Variants in WDR37 observed in about 807,000 individuals in gnomAD.
WDR37 encodes the protein WD repeat-containing protein 37.
A neutral mutation model predicts 62.9 loss-of-function variants in WDR37; 19 were observed. The ratio of observed to expected loss-of-function variants is 0.30; its 90% confidence interval spans 0.21 to 0.44. WDR37 has a LOEUF of 0.44. Among genes scored for constraint, WDR37 ranks in the 20% least tolerant of loss-of-function variants. The pLI, the probability that WDR37 is intolerant of heterozygous loss-of-function variation, is 1.00. For synonymous variants in WDR37, 250 were observed against 260.9 expected, an observed-to-expected ratio of 0.96 and a Z score of 0.40; for missense variants, 474 against 657.6, an observed-to-expected ratio of 0.72 and a Z score of 3.05.
chr10:1,128,946 G>T (rs536130502), intron 13 of WDR37, among the ~76,000 whole-genome samples: 1 of 150,586 alleles, frequency 6.6e-6, no homozygotes, highest in South Asian at 2.1e-4. Flanking sequence ...TCGGTGGTCC[G>T]TGCTCGGCGG....
chr10:1,111,912 T>C (rs1018601001), intron 11 of WDR37, among the ~76,000 whole-genome samples: 2 of 152,166 alleles, frequency 1.3e-5, no homozygotes, highest in Admixed American at 1.3e-4. Context: ...TCTCTTTTTT[T>C]TTTTTGTGAG....
At chr10:1,096,680 G>T in intron 9 of WDR37, 1 of 186,474 alleles carries the variant, frequency 5.4e-6, no homozygotes. Flanking sequence ...AACTGAGACA[G>T]ATTTCAGTAC....
intron 1 of WDR37, among the ~76,000 whole-genome samples, chr10:1,059,946 G>A (rs938672568): frequency 6.6e-6 from 1 of 151,922 alleles, no homozygotes; most frequent in Non-Finnish European, 1.5e-5. Flanking sequence ...CCAGGGTGGA[G>A]CAATTCTCGT....
chr10:1,116,064 AC>A (rs1243433131), intron 11 of WDR37, among the ~76,000 whole-genome samples: 2 of 152,088 alleles, frequency 1.3e-5, no homozygotes, highest in Admixed American at 6.5e-5. Flanking sequence ...GATGTACTCC[AC>A]TCAGGTGAGG....
At chr10:1,096,665 G>A (rs967971859) in intron 9 of WDR37, 4 of 189,240 alleles carry the variant, frequency 2.1e-5, no homozygotes, top group African/African-American at 7.0e-5. Flanking sequence ...GCGGCAGCCA[G>A]AGCCAACTGA....
chr10:1,088,969 G>A (rs1041156872), intron 7 of WDR37, among the ~76,000 whole-genome samples: 3 of 152,216 alleles, frequency 2.0e-5, no homozygotes, highest in Non-Finnish European at 2.9e-5. Context: ...CCCTTGGCCA[G>A]CAGATAGAGT....
chr10:1,086,293 G>A lies in WDR37; in HGVS notation c.540G>A (p.Thr180=), dbSNP rs764315683. The part of the protein sequence containing the change: ...VVLGTASADH[T]ALLWSIETGK... ...TTCATTTCCATCTTGCAGATCACAC[G>A]GCTTTGCTGTGGAGCATAGAGACAG... The change falls in exon 7 of 14, where the codon ACG becomes ACA. Residue 180 remains threonine, a synonymous_variant. Coordinates refer to ENST00000263150, the MANE Select transcript of WDR37 (RefSeq NM_014023.4). The A allele has an allele frequency of 1.9e-6, 3 of 1,614,054 alleles. No individual in the cohort carries two copies. Among genetic ancestry groups the A allele is most frequent in the Admixed American group, 3.3e-5 (2 of 60,020 alleles).
chr10:1,071,574 T>C (rs11250250), intron 1 of WDR37, among the ~76,000 whole-genome samples: 19,555 of 152,270 alleles, frequency 0.13, 1,456 homozygotes, highest in East Asian at 0.19. Flanking sequence ...GCTGTAAATA[T>C]ACACGCTGAA....
At chr10:1,093,260 C>T (rs1052830448) in intron 7 of WDR37, among the ~76,000 whole-genome samples, 192 bp from the exon 8 acceptor site, 5 of 152,068 alleles carry the variant, frequency 3.3e-5, no homozygotes, top group African/African-American at 2.4e-5. Flanking sequence ...TTTGGTGGTT[C>T]ATACCTTAGT....
chr10:1,073,687 G>C (rs531483365), intron 2 of WDR37, among the ~76,000 whole-genome samples: 45 of 152,302 alleles, frequency 3.0e-4, no homozygotes, highest in Non-Finnish European at 2.9e-5. Context: ...CAGGCAGCTG[G>C]AAGTCCTAGA....
intron 2 of WDR37, among the ~76,000 whole-genome samples, chr10:1,072,937 C>A (rs1003091769): frequency 6.6e-6 from 1 of 152,118 alleles, no homozygotes; most frequent in African/African-American, 2.4e-5. Flanking sequence ...AGTATCATAT[C>A]CTTTTAATGA....
intron 4 of WDR37, 59 bp from the exon 5 acceptor site, chr10:1,080,353 T>C (rs7087381): frequency 0.36 from 575,212 of 1,603,390 alleles, 104,903 homozygotes; most frequent in African/African-American, 0.49. Context: ...GACCCATTTG[T>C]GAGGCTATAG....
At chr10:1,102,330 C>T (rs1370379070) in intron 9 of WDR37, among the ~76,000 whole-genome samples, 4 of 152,220 alleles carry the variant, frequency 2.6e-5, no homozygotes, top group Non-Finnish European at 5.9e-5. Context: ...GTCCCTGTGA[C>T]GTGCATTCCC....
intron 1 of WDR37, among the ~76,000 whole-genome samples, chr10:1,062,587 TC>T (rs1314818442): frequency 6.6e-6 from 1 of 152,236 alleles, no homozygotes; most frequent in African/African-American, 2.4e-5. Flanking sequence ...TTTCTTTTTT[TC>T]CTTTACAAAA....
intron 5 of WDR37, among the ~76,000 whole-genome samples, chr10:1,082,118 T>G (rs1030966354): frequency 6.6e-6 from 1 of 152,196 alleles, no homozygotes; most frequent in African/African-American, 2.4e-5. Context: ...ATATAAGACA[T>G]CTGAAGATTG....
At chr10:1,086,022 G>A (rs1004840571) in intron 6 of WDR37, among the ~76,000 whole-genome samples, 2 of 152,172 alleles carry the variant, frequency 1.3e-5, no homozygotes, top group African/African-American at 4.8e-5. Context: ...CCAGCATGAT[G>A]CAGCCAGCCT....
Position 1,096,167 on chromosome 10 carries a change from C to T in WDR37, c.650-3C>T. ...GGTAATTTTCCCCGATTTCTCTCTT[C>T]AGCTTCTGGAGATCAGACTGCTCAT... On this transcript the variant is annotated splice_polypyrimidine_tract_variant and splice_region_variant and intron_variant, in intron 8 of 13. Coordinates refer to ENST00000263150, the MANE Select transcript of WDR37 (RefSeq NM_014023.4). 1 of 1,614,100 alleles carries T rather than the reference C, an allele frequency of 6.2e-7. No homozygotes were observed. Among genetic ancestry groups the T allele is most frequent in the Non-Finnish European group, 8.5e-7 (1 of 1,180,012 alleles).
chr10:1,074,358 G>T (rs1018685299), intron 2 of WDR37: 31 of 1,262,434 alleles, frequency 2.5e-5, no homozygotes, highest in Non-Finnish European at 3.0e-5. Flanking sequence ...GCATCTCATG[G>T]TAACCCTCAC....
At chr10:1,124,392 A>G in intron 12 of WDR37, 40 bp downstream of exon 12, 3 of 1,611,990 alleles carry the variant, frequency 1.9e-6, no homozygotes, top group Non-Finnish European at 2.5e-6. Context: ...GCTTAGTTTG[A>G]TGTGAAAGGA....
Sources: gnomAD v4.1 joint callset for allele counts (sites outside exome capture counted in the v4.1 genomes callset) on GRCh38, gnomAD v4.1.1 for gene constraint, MANE v1.5 for transcripts, NCBI Gene and HGNC (gene_info 2026-07-23, HGNC 2026-07-21) for gene names.